Variants in OGG1 observed in about 807,000 individuals in gnomAD.
OGG1 encodes N-glycosylase/DNA lyase.
Under a neutral mutation model 42.3 loss-of-function variants are expected in OGG1, and 35 were observed. The ratio of observed to expected loss-of-function variants is 0.83; its 90% CI spans 0.63 to 1.10. The LOEUF (loss-of-function observed/expected upper bound fraction) is 1.10, where lower values mean the gene tolerates loss of function less well. OGG1 is among the 50% of genes least tolerant of loss of function. The pLI is 0.00. For missense variants in OGG1, 484 were observed against 446.7 expected (o/e 1.08, Z -0.75); for synonymous variants, 189 against 179.0 (o/e 1.06, Z -0.44).
chr3:9,790,096 A>G (rs1559721248), downstream of OGG1: 2 of 1,147,778 alleles, frequency 1.7e-6, no homozygotes, highest in East Asian at 2.7e-5. Flanking sequence ...TTACCTAGTA[A>G]ACTCTTACTC....
intron 7 of OGG1, chr3:9,762,845 A>G: frequency 6.6e-7 from 1 of 1,525,412 alleles, no homozygotes; most frequent in Non-Finnish European, 9.0e-7. Flanking sequence ...GCCCAAGGTC[A>G]GACAGTTTGG....
downstream of OGG1, among the ~76,000 whole-genome samples, chr3:9,771,362 T>C (rs2078295422): frequency 6.6e-6 from 1 of 152,174 alleles, no homozygotes; most frequent in Non-Finnish European, 1.5e-5. Context: ...GAGAGGAAGA[T>C]AGCTGAGGTT....
chr3:9,766,152 G>C, exon 8 of OGG1: 1 of 981,146 alleles, frequency 1.0e-6, no homozygotes. Flanking sequence ...GTCTCCTGTT[G>C]AGCTGGTAGG....
At chr3:9,762,861 G>T in intron 7 of OGG1, 1 of 1,586,914 alleles carries the variant, frequency 6.3e-7, no homozygotes, top group Non-Finnish European at 8.6e-7. Context: ...TTTGGGGTTT[G>T]CAAAGGCCCC....
chr3:9,751,621 A>T (rs1168093577), intron 2 of OGG1, 149 bp from the exon 3 acceptor site: 2 of 784,276 alleles, frequency 2.6e-6, no homozygotes, highest in African/African-American at 3.4e-5. Context: ...GAGGAATGAG[A>T]GGTCTGGTGT....
At chr3:9,761,342 G>A, downstream of OGG1, 1 of 997,876 alleles carries the variant, frequency 1.0e-6, no homozygotes, top group Non-Finnish European at 1.5e-6. Context: ...ATTGATTGGT[G>A]GAAGGAAGGG....
chr3:9,784,701 C>T (rs533382759), intron 3 of OGG1, among the ~76,000 whole-genome samples: 5 of 151,896 alleles, frequency 3.3e-5, no homozygotes, highest in African/African-American at 4.8e-5. Context: ...CCCGTCTCTA[C>T]TAAAAATACA....
chr3:9,751,657 C>T, intron 2 of OGG1, 113 bp from the exon 3 acceptor site: 3 of 976,736 alleles, frequency 3.1e-6, no homozygotes, highest in Non-Finnish European at 5.0e-6. Context: ...TGCTGACTCT[C>T]ATTCTCCTGG....
intron 3 of OGG1, chr3:9,786,955 A>G: frequency 2.0e-6 from 3 of 1,484,086 alleles, no homozygotes; most frequent in Admixed American, 1.8e-5. Flanking sequence ...TAAGCATAAC[A>G]CATTAAAACA....
chr3:9,774,068 T>C (rs983044513), intron 2 of OGG1, among the ~76,000 whole-genome samples: 1 of 152,030 alleles, frequency 6.6e-6, no homozygotes, highest in Non-Finnish European at 1.5e-5. Context: ...TAACTAAGAT[T>C]AGAGAAAATG....
intron 7 of OGG1, among the ~76,000 whole-genome samples, chr3:9,764,130 G>A (rs1003490200): frequency 6.6e-6 from 1 of 152,172 alleles, no homozygotes; most frequent in Non-Finnish European, 1.5e-5. Context: ...TAGATTTAAT[G>A]TAACCTCTCT....
At chr3:9,759,246 G>A, downstream of OGG1, 1 of 1,614,180 alleles carries the variant, frequency 6.2e-7, no homozygotes. Context: ...TGGATCAGAT[G>A]CCTCCTGAAG....
In OGG1 at chr3:9,762,914, C is replaced by T. The variant is rs757326779; in HGVS notation, c.1049-2895C>T. On this transcript the variant is annotated intron_variant, in intron 7 of 7. Coordinates refer to the OGG1 transcript ENST00000302008. ...CTCACCACACCCCCTTGAGCCCCAC[C>T]TTGAGATCCCGGTGTACAATGCCCA... 8 of 1,614,112 alleles carry T rather than the reference C, an allele frequency of 5.0e-6. No homozygotes were observed. The highest frequency in any genetic ancestry group is 1.1e-5 in the South Asian group (1 of 91,078).
At chr3:9,783,845 G>A (rs1274280650) in intron 3 of OGG1, 1 of 1,098,090 alleles carries the variant, frequency 9.1e-7, no homozygotes, top group Non-Finnish European at 1.2e-6. Context: ...CCCACTCTGT[G>A]GAATCAGAAT....
At chr3:9,764,617 GT>G (rs202012854) in intron 7 of OGG1, among the ~76,000 whole-genome samples, 1 of 93,428 alleles carries the variant, frequency 1.1e-5, no homozygotes, top group African/African-American at 3.7e-5. Context: ...TGGCGTTTTT[GT>G]TTTTTTTTTG....
At chr3:9,765,259 G>A (rs939162137) in intron 7 of OGG1, among the ~76,000 whole-genome samples, 1 of 152,066 alleles carries the variant, frequency 6.6e-6, no homozygotes, top group African/African-American at 2.4e-5. Flanking sequence ...GCCCAGGGTG[G>A]TTGGAAGCTC....
chr3:9,784,541 G>GT (rs2078559883), intron 3 of OGG1, among the ~76,000 whole-genome samples: 1 of 151,872 alleles, frequency 6.6e-6, no homozygotes, highest in African/African-American at 2.4e-5. Flanking sequence ...ATTAGTCCAG[G>GT]TTTTTTCCCT....
chr3:9,760,642 A>G (rs372672840), downstream of OGG1: 3 of 1,613,696 alleles, frequency 1.9e-6, no homozygotes, highest in Non-Finnish European at 2.5e-6. Context: ...GGAAAAAAGC[A>G]AAGCCCCAAA....
chr3:9,759,413 G>A, downstream of OGG1: 1 of 1,601,254 alleles, frequency 6.2e-7, no homozygotes, highest in African/African-American at 1.3e-5. Context: ...GCCAGGTGCT[G>A]TGCAAGCTGA....
Sources: gnomAD v4.1 joint callset for allele counts (sites outside exome capture counted in the v4.1 genomes callset) on GRCh38, gnomAD v4.1.1 for gene constraint, MANE v1.5 for transcripts, NCBI Gene and HGNC (gene_info 2026-07-23, HGNC 2026-07-21) for gene names.